Variants in TAMM41 observed in about 807,000 individuals in gnomAD.
The protein encoded by TAMM41 is phosphatidate cytidylyltransferase, mitochondrial.
TAMM41 carries 36 observed loss-of-function variants against 44.1 expected under a neutral mutation model. The ratio of observed to expected loss-of-function variants is 0.82; its 90% confidence interval spans 0.63 to 1.08. TAMM41 has a LOEUF of 1.08. Among genes scored for constraint, TAMM41 ranks in the 50% least tolerant of loss-of-function variants. The probability of loss-of-function intolerance (pLI) is 0.00; values close to 1 mark genes in which losing one functional copy is unlikely to be tolerated. For synonymous variants in TAMM41, 164 were observed against 153.1 expected, an observed-to-expected ratio of 1.07 and a Z score of -0.53; for missense variants, 417 against 404.3, an observed-to-expected ratio of 1.03 and a Z score of -0.27.
chr3:11,747,687 G>A, the TAMM41 span, among the ~76,000 whole-genome samples: 1 of 151,720 alleles, frequency 6.6e-6, no homozygotes, highest in Non-Finnish European at 1.5e-5. Flanking sequence ...GACTGCCTGA[G>A]CCCAGGAGGT....
intron 3 of TAMM41, 104 bp downstream of exon 3, chr3:11,839,118 T>C (rs1299048630): frequency 1.5e-6 from 1 of 670,208 alleles, no homozygotes; most frequent in East Asian, 2.6e-5. Flanking sequence ...CAGAAACTCA[T>C]TTCTATTTCC....
At chr3:11,746,787 A>T in the TAMM41 span, among the ~76,000 whole-genome samples, 2 of 148,982 alleles carry the variant, frequency 1.3e-5, no homozygotes, top group African/African-American at 5.2e-5. Context: ...GGTGCACATC[A>T]CCATGCCCAG....
chr3:11,800,763 G>A (rs9875849), intron 7 of TAMM41, among the ~76,000 whole-genome samples: 9,879 of 152,168 alleles, frequency 0.065, 557 homozygotes, highest in African/African-American at 0.14. Context: ...AGACCATCGA[G>A]GCAAAAAATT....
At chr3:11,842,642 G>A (rs755565029) in intron 2 of TAMM41, among the ~76,000 whole-genome samples, 3 of 151,994 alleles carry the variant, frequency 2.0e-5, no homozygotes, top group African/African-American at 4.8e-5. Context: ...TGCAATGAGC[G>A]GAGATGGTGC....
chr3:11,761,423 T>C, the TAMM41 span, among the ~76,000 whole-genome samples: 486 of 152,236 alleles, frequency 3.2e-3, 3 homozygotes, highest in African/African-American at 9.2e-3. Flanking sequence ...CTGTGGCTCC[T>C]AGTCCAGAAT....
At chr3:11,846,392 A>G in intron 1 of TAMM41, 110 bp downstream of exon 1, 4 of 1,264,652 alleles carry the variant, frequency 3.2e-6, no homozygotes. Flanking sequence ...GCTAGTGGAC[A>G]CGTGGAGTGT....
At chr3:11,801,042 T>C (rs1197298522) in intron 7 of TAMM41, among the ~76,000 whole-genome samples, 2 of 147,100 alleles carry the variant, frequency 1.4e-5, no homozygotes, top group Non-Finnish European at 3.0e-5. Flanking sequence ...CAGTAAGCCA[T>C]GATCACACCA....
At chr3:11,726,554 C>A in the TAMM41 span, among the ~76,000 whole-genome samples, 1 of 152,146 alleles carries the variant, frequency 6.6e-6, no homozygotes, top group Admixed American at 6.5e-5. Context: ...GTAATCCCGG[C>A]ACTTTGGGAG....
rs150555164 is a variant in TAMM41, at chr3:11,845,119, G to A, written c.136-908C>T. 4.7e-3 allele frequency: 1,805 copies of A among 383,224 alleles called. 18 individuals are homozygous for A. The highest frequency in any genetic ancestry group is 0.01 in the Middle Eastern group (21 of 2,100). 23.7% of individuals were successfully genotyped at this position (383,224 alleles called of 1,614,324 possible). On this transcript the variant is annotated intron_variant, in intron 1 of 7. Coordinates refer to ENST00000455809, the MANE Select transcript of TAMM41 (RefSeq NM_001284401.2). ...TGACTGAAATAGAACACATTTATGC[G>A]GTGGGAGATGAGATCAGAGAGGGAG...
chr3:11,829,326 G>A (rs2078886551), intron 4 of TAMM41, among the ~76,000 whole-genome samples: 1 of 152,088 alleles, frequency 6.6e-6, no homozygotes, highest in South Asian at 2.1e-4. Context: ...CTTCCTAGTT[G>A]TTCAGACACA....
At chr3:11,729,534 CTTTCATTTTTTTTTTTTTTTTTT>C in the TAMM41 span, among the ~76,000 whole-genome samples, 1 of 43,046 alleles carries the variant, frequency 2.3e-5, no homozygotes, top group African/African-American at 9.0e-5. Flanking sequence ...TCTTTTCTTT[CTTTCATTTTTTTTTTTTTTTTTT>C]TTTTTTTTTT....
intron 3 of TAMM41, among the ~76,000 whole-genome samples, chr3:11,836,869 T>C (rs1261088832): frequency 2.6e-5 from 4 of 152,274 alleles, no homozygotes; most frequent in African/African-American, 7.2e-5. Flanking sequence ...TGAGCTTTAC[T>C]AGTCATCCAA....
At chr3:11,762,889 G>A in the TAMM41 span, among the ~76,000 whole-genome samples, 17 of 152,258 alleles carry the variant, frequency 1.1e-4, no homozygotes, top group South Asian at 4.1e-4. Context: ...GTGAAAACCC[G>A]TCTCTTCTAA....
At chr3:11,796,557 T>G (rs923870187) in intron 7 of TAMM41, among the ~76,000 whole-genome samples, 2 of 152,114 alleles carry the variant, frequency 1.3e-5, no homozygotes, top group African/African-American at 4.8e-5. Flanking sequence ...AGTAGGAGGT[T>G]GCACAGGGGA....
the TAMM41 span, among the ~76,000 whole-genome samples, chr3:11,752,625 C>CTTTTT: frequency 2.8e-3 from 111 of 39,952 alleles, 24 homozygotes; most frequent in African/African-American, 5.3e-3. Context: ...TCTTACAAAG[C>CTTTTT]TTTTTTTTTT....
chr3:11,843,750 A>C, intron 2 of TAMM41: 1 of 374,176 alleles, frequency 2.7e-6, no homozygotes. Flanking sequence ...AGTCAGTCAC[A>C]CCCAACCACC....
chr3:11,758,146 C>G, the TAMM41 span, among the ~76,000 whole-genome samples: 13 of 152,134 alleles, frequency 8.5e-5, no homozygotes, highest in African/African-American at 2.9e-4. Context: ...GACAGCAAAG[C>G]CCCAGGAATG....
the TAMM41 span, among the ~76,000 whole-genome samples, chr3:11,759,185 A>AT: frequency 6.6e-6 from 1 of 152,184 alleles, no homozygotes; most frequent in Non-Finnish European, 1.5e-5. Context: ...CATTAAAAAA[A>AT]AATTTGTCAG....
rs544300891 is a variant in TAMM41, at chr3:11,798,418, A to G, written c.938-7837T>C. Among the ~76,000 whole-genome samples, 106 of 152,292 alleles carry G rather than the reference A, an allele frequency of 7.0e-4. 1 individual carries two copies. Among genetic ancestry groups the G allele is most frequent in the African/African-American group, 2.4e-3 (100 of 41,570 alleles). ...AGCAACAGAAAACCAAATGCTGCAT[A>G]TTCTCACTTACAAGTAGGAGTTAAA... On this transcript the variant is annotated intron_variant, in intron 7 of 7. Transcript: ENST00000455809.
Sources: gnomAD v4.1 joint callset for allele counts (sites outside exome capture counted in the v4.1 genomes callset) on GRCh38, gnomAD v4.1.1 for gene constraint, MANE v1.5 for transcripts, NCBI Gene and HGNC (gene_info 2026-07-23, HGNC 2026-07-21) for gene names.